Variants in DNAH14 observed in about 807,000 individuals in gnomAD.
DNAH14 encodes the protein dynein axonemal heavy chain 14, also known as axonemal beta dynein heavy chain 14.
A neutral mutation model predicts 520.9 loss-of-function variants in DNAH14; 478 were observed. The observed-to-expected ratio is 0.92, with a 90% confidence interval of 0.85 to 0.99. The LOEUF (loss-of-function observed/expected upper bound fraction) is 0.99, where lower values mean the gene tolerates loss of function less well. DNAH14 is among the 50% of genes least tolerant of loss of function. The probability of loss-of-function intolerance (pLI) is 0.00; values close to 1 mark genes in which losing one functional copy is unlikely to be tolerated. For missense variants in DNAH14, 4,831 were observed against 5,234.5 expected (o/e 0.92, Z 2.38); for synonymous variants, 1,581 against 1,757.2 (o/e 0.90, Z 2.51).
At chr1:225,223,912 G>A (rs999456678) in intron 41 of DNAH14, among the ~76,000 whole-genome samples, 8 of 152,210 alleles carry the variant, frequency 5.3e-5, no homozygotes, top group Admixed American at 4.6e-4. Context: ...TTTACTAGCA[G>A]CCCCAACAGA....
intron 17 of DNAH14, among the ~76,000 whole-genome samples, chr1:225,066,746 A>T (rs575928112): frequency 6.6e-6 from 1 of 151,772 alleles, no homozygotes; most frequent in Non-Finnish European, 1.5e-5. Context: ...AGAACATATG[A>T]TATTTGGTTT....
At chr1:225,355,917 G>A (rs745695750) in intron 73 of DNAH14, among the ~76,000 whole-genome samples, 23 of 152,044 alleles carry the variant, frequency 1.5e-4, no homozygotes, top group Non-Finnish European at 2.6e-4. Context: ...TCCTCCTGAC[G>A]GTTGCTGGCA....
intron 3 of DNAH14, among the ~76,000 whole-genome samples, chr1:224,956,078 G>C (rs530772120): frequency 3.3e-5 from 5 of 151,900 alleles, no homozygotes; most frequent in African/African-American, 9.7e-5. Context: ...TTTATTATTT[G>C]ACCACTTATT....
In DNAH14 at chr1:225,153,740, T is replaced by G. The variant is rs187307469; in HGVS notation, c.5197-10T>G. 3.9e-6 allele frequency: 6 copies of G among 1,521,034 alleles called. No individual in the cohort carries two copies. The highest frequency in any genetic ancestry group is 1.2e-5 in the South Asian group (1 of 81,784). The allele number at this position is 1,521,034 out of a possible 1,614,324, so 94.2% of individuals were successfully genotyped here. The stretch of plus-strand genomic sequence containing the variant: ...AACTTTAATAATTCAAATATTTTAA[T>G]GTTTGATAGGATCATTATAATTTTG... On this transcript the variant is annotated splice_polypyrimidine_tract_variant and intron_variant, in intron 33 of 85. Transcript: ENST00000682510.
Position 224,929,912 on chromosome 1 carries a change from G to T in DNAH14, c.-34+77G>T, listed in dbSNP as rs544934446. On this transcript the variant is annotated intron_variant, in intron 1 of 85. Transcript: ENST00000682510. ...GGCGGCGCGTGGGGCAGCCGGTGTCGCACTGGGAGGGCTGCGTGGGCGCGG... is the reference window on the plus strand; with the variant it reads ...GGCGGCGCGTGGGGCAGCCGGTGTCTCACTGGGAGGGCTGCGTGGGCGCGG... 26 of 582,164 alleles carry T rather than the reference G, an allele frequency of 4.5e-5. 3 individuals are homozygous for T. In the South Asian group the frequency reaches 5.2e-4, roughly 12 times the overall value. 36.1% of individuals were successfully genotyped at this position (582,164 alleles called of 1,614,324 possible). A position where few individuals can be genotyped will look rare whatever the true frequency, so the allele number is the denominator to read the frequency against.
intron 43 of DNAH14, among the ~76,000 whole-genome samples, chr1:225,249,195 G>A (rs1471627166): frequency 6.6e-6 from 1 of 152,144 alleles, no homozygotes; most frequent in Non-Finnish European, 1.5e-5. Flanking sequence ...AAAGATGCAG[G>A]TATGAGTTAT....
intron 55 of DNAH14, among the ~76,000 whole-genome samples, chr1:225,297,183 T>G (rs75633192): frequency 0.041 from 6,258 of 152,122 alleles, 421 homozygotes; most frequent in African/African-American, 0.14. Context: ...ATTTTTTCAT[T>G]GAAATCTGTA....
chr1:225,135,590 G>A (rs1433105241), intron 27 of DNAH14, among the ~76,000 whole-genome samples: 1 of 152,022 alleles, frequency 6.6e-6, no homozygotes, highest in African/African-American at 2.4e-5. Flanking sequence ...CCTATTATGT[G>A]ACCAATTTTA....
chr1:225,040,574 A>G (rs770888942), intron 12 of DNAH14, among the ~76,000 whole-genome samples: 7 of 152,150 alleles, frequency 4.6e-5, no homozygotes, highest in Non-Finnish European at 1.0e-4. Flanking sequence ...TTCATCCTTT[A>G]TTGATGAAAC....
In DNAH14 at chr1:225,080,441, G is replaced by A; in HGVS notation, c.2829G>A (p.Gln943=). 1 of 1,551,478 alleles carries A rather than the reference G, an allele frequency of 6.4e-7. No individual in the cohort carries two copies. The highest frequency in any genetic ancestry group is 8.7e-7 in the Non-Finnish European group (1 of 1,146,862). ...TGTCAACAGCAATGGAAATGATCCAGACTCTCTCAGGGGAAGCTGCAAGTT... is the reference window on the plus strand; with the variant it reads ...TGTCAACAGCAATGGAAATGATCCAAACTCTCTCAGGGGAAGCTGCAAGTT... ...TQVSTAMEMI[Q]TLSGEAASLT... is the part of the protein sequence containing the mutation. The change falls in exon 19 of 86, where the codon CAG becomes CAA. Residue 943 remains glutamine, a synonymous_variant. Coordinates refer to ENST00000682510, the MANE Select transcript of DNAH14 (RefSeq NM_001367479.1).
At chr1:224,957,824 A>T (rs1313782485) in intron 3 of DNAH14, among the ~76,000 whole-genome samples, 1 of 152,166 alleles carries the variant, frequency 6.6e-6, no homozygotes, top group Non-Finnish European at 1.5e-5. Context: ...AAATGAGGAA[A>T]TAGAGTTAGT....
At chr1:225,354,692 G>C (rs970571684) in intron 73 of DNAH14, among the ~76,000 whole-genome samples, 1 of 151,888 alleles carries the variant, frequency 6.6e-6, no homozygotes, top group African/African-American at 2.4e-5. Flanking sequence ...TACTTTCCAG[G>C]CTAGATCATC....
At chr1:225,218,679 G>A (rs892242069) in intron 41 of DNAH14, among the ~76,000 whole-genome samples, 1 of 151,292 alleles carries the variant, frequency 6.6e-6, no homozygotes, top group Non-Finnish European at 1.5e-5. Flanking sequence ...CTTAGAGACC[G>A]ACAAACAGAC....
intron 36 of DNAH14, among the ~76,000 whole-genome samples, chr1:225,169,038 A>G (rs2082328694): frequency 6.6e-6 from 1 of 152,190 alleles, no homozygotes; most frequent in Admixed American, 6.5e-5. Flanking sequence ...CCAGACAAAC[A>G]GGGTCTGGAA....
chr1:224,990,018 T>G (rs1057268805), intron 8 of DNAH14, among the ~76,000 whole-genome samples: 3 of 152,002 alleles, frequency 2.0e-5, no homozygotes, highest in Non-Finnish European at 4.4e-5. Context: ...TGTTGTTGTT[T>G]TTTTTTTAAC....
In DNAH14 at chr1:225,358,604, T is replaced by C. The variant is rs1274921966; in HGVS notation, c.11728T>C (p.Tyr3910His). The C allele has an allele frequency of 6.5e-7, 1 of 1,549,348 alleles. No homozygotes were observed. The change falls in exon 74 of 86, where the codon TAT (tyrosine) becomes CAT (histidine). Residue 3910 changes from tyrosine to histidine, a missense_variant. Transcript: ENST00000682510. ...AACTGGAGTTAATTTGAAAGATGCA[T>C]ATAAAGGATCCAATGCCAGAACTCC... ...QRTGVNLKDA[Y>H]KGSNARTPLI...
rs536211795 is a variant in DNAH14 at position 225,084,355 on chromosome 1, G to A, written c.3328-1189G>A. Among the ~76,000 whole-genome samples the A allele has an allele frequency of 8.1e-4, 123 of 152,226 alleles. 1 individual carries two copies. The highest frequency in any genetic ancestry group is 1.4e-3 in the Non-Finnish European group (98 of 67,996). ...TATAATGTAGATGCCAAAATGGACA[G>A]GATTTGGCGCAGAAACTCAGCCTTC... is the stretch of plus-strand genomic sequence containing the variant. On this transcript the variant is annotated intron_variant, in intron 20 of 85. Transcript: ENST00000682510.
intron 1 of DNAH14, among the ~76,000 whole-genome samples, chr1:224,940,779 T>A (rs1270717077): frequency 1.3e-5 from 2 of 152,068 alleles, no homozygotes. Flanking sequence ...TTTAGTTTTT[T>A]GTCCTTGCGA....
chr1:224,936,547 T>C (rs577010926), intron 1 of DNAH14, among the ~76,000 whole-genome samples: 8 of 151,986 alleles, frequency 5.3e-5, no homozygotes, highest in African/African-American at 1.9e-4. Context: ...AACGAACCAA[T>C]AGGTAGTAAC....
Sources: gnomAD v4.1 joint callset for allele counts (sites outside exome capture counted in the v4.1 genomes callset) on GRCh38, gnomAD v4.1.1 for gene constraint, MANE v1.5 for transcripts, NCBI Gene and HGNC (gene_info 2026-07-23, HGNC 2026-07-21) for gene names.